Variants in GLYR1 observed in about 807,000 individuals in gnomAD.
GLYR1 encodes the protein cytokine-like nuclear factor N-PAC.
A neutral mutation model predicts 72.7 loss-of-function variants in GLYR1; 21 were observed. The ratio of observed to expected loss-of-function variants is 0.29; its 90% CI spans 0.20 to 0.42. The LOEUF is 0.42. GLYR1 is among the 10% of genes least tolerant of loss of function. The pLI is 1.00. For synonymous variants in GLYR1, 392 were observed against 270.2 expected (o/e 1.45, Z -4.42); for missense variants, 594 against 712.1 (o/e 0.83, Z 1.89).
chr16:4,806,882 AGCTCT>A lies in GLYR1; in HGVS notation c.1588-1577_1588-1573del, dbSNP rs567038825. 7.7e-3 allele frequency among the ~76,000 whole-genome samples: 1,131 copies of A among 146,644 alleles called. 9 individuals are homozygous for A. The highest frequency in any genetic ancestry group is 0.027 in the African/African-American group (1,079 of 39,304). On this transcript the variant is annotated intron_variant, in intron 15 of 15. Coordinates refer to ENST00000321919, the MANE Select transcript of GLYR1 (RefSeq NM_032569.4). Reference sequence around the variant, plus strand: ...AGTGGTGTGATCTCGGCTCACTGCCAGCTCTGCTCTGCCTCCCGGGTTCACGCCAT... The same window carrying A: ...AGTGGTGTGATCTCGGCTCACTGCCAGCTCTGCCTCCCGGGTTCACGCCAT...
chr16:4,837,677 C>T (rs112210367), intron 3 of GLYR1, among the ~76,000 whole-genome samples: 16,726 of 151,960 alleles, frequency 0.11, 1,145 homozygotes, highest in African/African-American at 0.19. Context: ...CAAGCCGGCA[C>T]GGTAGCTCAC....
At chr16:4,841,992 A>G (rs2085587532) in intron 3 of GLYR1, among the ~76,000 whole-genome samples, 1 of 152,318 alleles carries the variant, frequency 6.6e-6, no homozygotes, top group Admixed American at 6.5e-5. Context: ...CTGTAATCCC[A>G]GCACTTTGGG....
rs565103054 is a variant in GLYR1 at position 4,827,773 on chromosome 16, A to G, written c.538-3866T>C. 2.9e-3 allele frequency among the ~76,000 whole-genome samples: 433 copies of G among 151,904 alleles called. 3 individuals are homozygous for G. The highest frequency in any genetic ancestry group is 9.9e-3 in the African/African-American group (412 of 41,506). On this transcript the variant is annotated intron_variant, in intron 5 of 15. Transcript: ENST00000321919. The stretch of plus-strand genomic sequence containing the variant: ...AAATTAGCCGGGCGTGGTGGCGGGC[A>G]CCTGTAGTCCCAGCTGCTCCAGAGG...
rs775000393 is a variant in GLYR1 at position 4,821,535 on chromosome 16, G to A, written c.732+12C>T. ...GTGAAAATTAAAATGGGGAGGCATG[G>A]AGCCTACATACCTCTTCACATATTT... On this transcript the variant is annotated intron_variant, in intron 8 of 15. Transcript: ENST00000321919. 1 of 1,613,514 alleles carries A rather than the reference G, an allele frequency of 6.2e-7. No individual in the cohort carries two copies. The highest frequency in any genetic ancestry group is 1.3e-5 in the African/African-American group (1 of 75,034).
At position 4,803,334 on chromosome 16, in the gene GLYR1, C is replaced by CA. The variant is rs1486553918; in HGVS notation, c.*1901dup. 7 of 152,496 alleles carry CA rather than the reference C, an allele frequency of 4.6e-5. No homozygotes were observed. Among genetic ancestry groups the CA allele is most frequent in the African/African-American group, 1.7e-4 (7 of 41,396 alleles). 9.4% of individuals were successfully genotyped at this position (152,496 alleles called of 1,614,324 possible). A position where few individuals can be genotyped will look rare whatever the true frequency, so the allele number is the denominator to read the frequency against. On this transcript the variant is annotated 3_prime_UTR_variant, in exon 16 of 16. Transcript: ENST00000321919. The stretch of plus-strand genomic sequence containing the variant: ...AGACAAATGTTCATTAAAAACAAAG[C>CA]AAAAATAAAAATTCACAACCTTAAT...
chr16:4,843,584 G>C (rs1358363742), intron 3 of GLYR1: 2 of 1,289,064 alleles, frequency 1.6e-6, no homozygotes, highest in Non-Finnish European at 2.0e-6. Context: ...TTGTGATAGA[G>C]AAATGGGGCT....
At chr16:4,840,571 A>G (rs1305530549) in intron 3 of GLYR1, among the ~76,000 whole-genome samples, 2 of 151,890 alleles carry the variant, frequency 1.3e-5, no homozygotes, top group East Asian at 1.9e-4. Context: ...CCATAGGGAG[A>G]GTCTCCATCT....
At chr16:4,809,292 G>A (rs1160757898) in intron 15 of GLYR1, among the ~76,000 whole-genome samples, 1 of 146,594 alleles carries the variant, frequency 6.8e-6, no homozygotes, top group Non-Finnish European at 1.5e-5. Context: ...CCAGGTTCAA[G>A]CAATTCTCTG....
At chr16:4,817,081 C>T (rs1352574776) in intron 10 of GLYR1, among the ~76,000 whole-genome samples, 1 of 151,362 alleles carries the variant, frequency 6.6e-6, no homozygotes, top group Non-Finnish European at 1.5e-5. Context: ...GTAACTGAGA[C>T]TACAGGTGAA....
intron 3 of GLYR1, among the ~76,000 whole-genome samples, chr16:4,835,165 T>G (rs1283573151): frequency 1.3e-5 from 2 of 152,098 alleles, no homozygotes; most frequent in Non-Finnish European, 2.9e-5. Context: ...ACTCCGAGAC[T>G]TGCTAATCCC....
chr16:4,806,531 G>A (rs1475747892), intron 15 of GLYR1, among the ~76,000 whole-genome samples: 2 of 150,442 alleles, frequency 1.3e-5, no homozygotes, highest in African/African-American at 4.9e-5. Context: ...CGCCCAGCTA[G>A]TTTTTTATTT....
rs1249844025 is a variant in GLYR1 at position 4,831,963 on chromosome 16, C to A, written c.537+16G>T. ...AGGACATCACTAATCCCGGAAGCTG[C>A]AGAGAGAAAACAAACCTTCTCATCC... is the stretch of plus-strand genomic sequence containing the variant. On this transcript the variant is annotated intron_variant, in intron 5 of 15. Coordinates refer to ENST00000321919, the MANE Select transcript of GLYR1 (RefSeq NM_032569.4). The A allele has an allele frequency of 1.9e-6, 3 of 1,609,744 alleles. No homozygotes were observed. Among genetic ancestry groups the A allele is most frequent in the Non-Finnish European group, 2.5e-6 (3 of 1,177,918 alleles).
intron 10 of GLYR1, among the ~76,000 whole-genome samples, chr16:4,815,067 G>C (rs1000337924): frequency 2.6e-5 from 4 of 151,982 alleles, no homozygotes; most frequent in African/African-American, 9.7e-5. Context: ...ACTGTTGTCA[G>C]GTTAATAAGA....
Position 4,804,317 on chromosome 16 carries a change from G to C in GLYR1, c.*919C>G, listed in dbSNP as rs1412962824. On this transcript the variant is annotated 3_prime_UTR_variant, in exon 16 of 16. Transcript: ENST00000321919. ...GAGTGGCTCTTCAGAGCCAGGTGAA[G>C]AGTCTGTGGCCTAACGGAAACAGAA... is the stretch of plus-strand genomic sequence containing the variant. The C allele has an allele frequency of 2.6e-5, 4 of 152,952 alleles. No individual in the cohort carries two copies. Among genetic ancestry groups the C allele is most frequent in the African/African-American group, 9.7e-5 (4 of 41,428 alleles). 9.5% of individuals were successfully genotyped at this position (152,952 alleles called of 1,614,324 possible).
At chr16:4,817,949 T>C (rs139763693) in intron 9 of GLYR1, 213 of 457,754 alleles carry the variant, frequency 4.7e-4, no homozygotes, top group African/African-American at 4.1e-3. Context: ...CAGAAAAAAG[T>C]ATGATGTGTA....
At chr16:4,811,087 AG>A in intron 15 of GLYR1, 82 bp downstream of exon 15, 1 of 1,516,312 alleles carries the variant, frequency 6.6e-7, no homozygotes, top group Non-Finnish European at 8.8e-7. Flanking sequence ...CCTGGGTGAC[AG>A]AGTGAGACTC....
chr16:4,811,114 A>G (rs1027760266), intron 15 of GLYR1, 56 bp downstream of exon 15: 10 of 1,569,806 alleles, frequency 6.4e-6, no homozygotes, highest in Non-Finnish European at 8.6e-6. Context: ...AAAAAAAAAA[A>G]AAAAGAAAGA....
At chr16:4,845,291 T>C (rs2085923745) in intron 2 of GLYR1, 138 bp from the exon 3 acceptor site, 2 of 623,178 alleles carry the variant, frequency 3.2e-6, no homozygotes, top group Non-Finnish European at 5.7e-6. Context: ...AATTTATTTA[T>C]ATACAAAACA....
chr16:4,829,679 T>A (rs1485153820), intron 5 of GLYR1, among the ~76,000 whole-genome samples: 1 of 149,816 alleles, frequency 6.7e-6, no homozygotes, highest in Non-Finnish European at 1.5e-5. Flanking sequence ...TATTAAATTT[T>A]TTTTTTTCTT....
Sources: gnomAD v4.1 joint callset for allele counts (sites outside exome capture counted in the v4.1 genomes callset) on GRCh38, gnomAD v4.1.1 for gene constraint, MANE v1.5 for transcripts, NCBI Gene and HGNC (gene_info 2026-07-23, HGNC 2026-07-21) for gene names.